The following ASB4 variants were observed in gnomAD, a reference collection of about 807,000 sequenced individuals.
ASB4 encodes the protein ankyrin repeat and SOCS box protein 4.
ASB4 carries 35 observed loss-of-function variants against 38.6 expected under a neutral mutation model. That is an observed-to-expected ratio of 0.91 (90% confidence interval 0.69 to 1.20). The LOEUF is 1.20. ASB4 is among the 50% of genes most tolerant of loss of function. The probability of loss-of-function intolerance (pLI) is 0.00; values close to 1 mark genes in which losing one functional copy is unlikely to be tolerated. For missense variants in ASB4, 557 were observed against 527.2 expected, an observed-to-expected ratio of 1.06 and a Z score of -0.55; for synonymous variants, 195 against 201.3, an observed-to-expected ratio of 0.97 and a Z score of 0.26.
intron 2 of ASB4, among the ~76,000 whole-genome samples, chr7:95,521,179 T>C (rs1790657444): frequency 6.6e-6 from 1 of 152,138 alleles, no homozygotes; most frequent in Non-Finnish European, 1.5e-5. Flanking sequence ...TAGATCTTTA[T>C]ATATTCTGAT....
chr7:95,541,019 T>C (rs1344569819), downstream of ASB4, among the ~76,000 whole-genome samples: 1 of 152,258 alleles, frequency 6.6e-6, no homozygotes, highest in Non-Finnish European at 1.5e-5. Context: ...TGAATTCAAC[T>C]ATTCACCCAT....
At position 95,536,616 on chromosome 7, in the gene ASB4, AG is replaced by A. The variant is rs1386197803; in HGVS notation, c.1092+67del. On this transcript the variant is annotated intron_variant, in intron 4 of 4. Coordinates refer to ENST00000325885, the MANE Select transcript of ASB4 (RefSeq NM_016116.3). ...TACTTCCAGACTGCTCTAGAAGTAC[AG>A]AAAATTGTAACAAAAAAGTTGGTTT... The A allele has an allele frequency of 8.5e-6, 10 of 1,177,818 alleles. No individual in the cohort carries two copies. In the African/African-American group the frequency reaches 1.5e-4, roughly 18 times the overall value. The allele number at this position is 1,177,818 out of a possible 1,614,324, so 73.0% of individuals were successfully genotyped here.
intron 3 of ASB4, among the ~76,000 whole-genome samples, chr7:95,530,159 G>T: frequency 6.7e-6 from 1 of 149,334 alleles, no homozygotes; most frequent in Non-Finnish European, 1.5e-5. Context: ...AAGTTGATTA[G>T]AAAAAATAAG....
chr7:95,495,968 T>C lies in ASB4; in HGVS notation c.398T>C (p.Leu133Pro). 6.2e-7 allele frequency: 1 copy of C among 1,614,152 alleles called. No individual in the cohort carries two copies. The highest frequency in any genetic ancestry group is 8.5e-7 in the Non-Finnish European group (1 of 1,180,010). ...ATCCTCTGTGATCGTGGGGCAAAGCTCAATTGCTACTCCTTAAGTGGACAC... is the reference window on the plus strand; with the variant it reads ...ATCCTCTGTGATCGTGGGGCAAAGCCCAATTGCTACTCCTTAAGTGGACAC... ...VKILCDRGAK[L>P]NCYSLSGHTA... Residue 133 changes from leucine (L) to proline (P), a missense_variant, in exon 2 of 5, where the codon CTC (leucine) becomes CCC (proline). Transcript: ENST00000325885.
chr7:95,477,827 A>G (rs1210300779), upstream of ASB4, among the ~76,000 whole-genome samples: 1 of 149,736 alleles, frequency 6.7e-6, no homozygotes, highest in Non-Finnish European at 1.5e-5. Context: ...TAGGTATACT[A>G]TTTTTCTATG....
intron 2 of ASB4, among the ~76,000 whole-genome samples, chr7:95,523,492 G>A (rs942608844): frequency 1.3e-5 from 2 of 152,130 alleles, no homozygotes; most frequent in African/African-American, 4.8e-5. Flanking sequence ...ATAATCAAAT[G>A]AATTCGGATT....
At chr7:95,498,597 A>T (rs1585799839) in intron 2 of ASB4, among the ~76,000 whole-genome samples, 1 of 152,182 alleles carries the variant, frequency 6.6e-6, no homozygotes, top group Non-Finnish European at 1.5e-5. Context: ...AATACTAGTC[A>T]TTTATCAGAT....
intron 2 of ASB4, among the ~76,000 whole-genome samples, chr7:95,527,521 C>G (rs1466034951): frequency 6.6e-6 from 1 of 152,086 alleles, no homozygotes; most frequent in Non-Finnish European, 1.5e-5. Context: ...TCCAAATCCA[C>G]CTGGGAGTAA....
At chr7:95,479,819 G>A (rs1790008674) in intron 1 of ASB4, among the ~76,000 whole-genome samples, 1 of 152,160 alleles carries the variant, frequency 6.6e-6, no homozygotes, top group Non-Finnish European at 1.5e-5. Flanking sequence ...ATATTCATCA[G>A]TTATACTCCT....
intron 2 of ASB4, among the ~76,000 whole-genome samples, chr7:95,498,032 A>G (rs578229474): frequency 2.6e-5 from 4 of 152,334 alleles, no homozygotes; most frequent in African/African-American, 9.6e-5. Context: ...TTTCTCTTAT[A>G]TAAATACCTA....
chr7:95,495,591 C>T (rs17703967), intron 1 of ASB4, among the ~76,000 whole-genome samples, 167 bp from the exon 2 acceptor site: 38,731 of 152,074 alleles, frequency 0.25, 5,255 homozygotes, highest in Middle Eastern at 0.4. Context: ...TTTAACAAAA[C>T]GCTTGCAGAC....
chr7:95,484,013 T>G (rs1562807230), upstream of ASB4, among the ~76,000 whole-genome samples: 1 of 135,980 alleles, frequency 7.4e-6, no homozygotes, highest in African/African-American at 2.8e-5. Flanking sequence ...GTAAAATGTT[T>G]AACATTAAAA....
downstream of ASB4, among the ~76,000 whole-genome samples, chr7:95,544,705 A>G (rs145727665): frequency 1.4e-4 from 21 of 151,752 alleles, no homozygotes; most frequent in Non-Finnish European, 2.4e-4. Flanking sequence ...ATTTTATTTT[A>G]TTTTTTTGAG....
At chr7:95,501,015 GT>G (rs1226519424) in intron 2 of ASB4, among the ~76,000 whole-genome samples, 1 of 152,050 alleles carries the variant, frequency 6.6e-6, no homozygotes, top group African/African-American at 2.4e-5. Flanking sequence ...TTTAGATTTA[GT>G]TTTTATCTTT....
At chr7:95,525,646 C>T (rs1790726843) in intron 2 of ASB4, among the ~76,000 whole-genome samples, 1 of 152,170 alleles carries the variant, frequency 6.6e-6, no homozygotes, top group South Asian at 2.1e-4. Flanking sequence ...CTTTGATTCT[C>T]TTCCTTACTG....
chr7:95,519,251 A>G (rs1166648110), intron 2 of ASB4, among the ~76,000 whole-genome samples: 3 of 152,240 alleles, frequency 2.0e-5, no homozygotes, highest in Admixed American at 2.0e-4. Flanking sequence ...TCGACACTGT[A>G]CAAAATTGCA....
At chr7:95,513,438 A>AT (rs1364330622) in intron 2 of ASB4, among the ~76,000 whole-genome samples, 74 of 151,790 alleles carry the variant, frequency 4.9e-4, no homozygotes, top group Non-Finnish European at 8.8e-4. Context: ...AGACCTAGGG[A>AT]ATAGATACAG....
chr7:95,537,372 A>G (rs1033610328), intron 4 of ASB4, among the ~76,000 whole-genome samples, 199 bp from the exon 5 acceptor site: 2 of 152,092 alleles, frequency 1.3e-5, no homozygotes, highest in African/African-American at 4.8e-5. Flanking sequence ...TGAATTGTAG[A>G]ATGTTATTTC....
intron 3 of ASB4, among the ~76,000 whole-genome samples, chr7:95,532,714 C>A (rs1417643377): frequency 6.6e-6 from 1 of 152,146 alleles, no homozygotes; most frequent in South Asian, 2.1e-4. Flanking sequence ...TACCTTGAAT[C>A]TCTTTTTTAA....
Sources: allele counts gnomAD v4.1 joint callset (sites outside exome capture counted in the v4.1 genomes callset), GRCh38; gene constraint gnomAD v4.1.1; transcripts MANE v1.5; gene names NCBI Gene and HGNC (gene_info 2026-07-23, HGNC 2026-07-21).